The following USP37 variants were observed in gnomAD, a reference collection of about 807,000 sequenced individuals.
USP37 encodes the protein ubiquitin specific peptidase 37.
USP37 carries 27 observed loss-of-function variants against 124.0 expected under a neutral mutation model. The ratio of observed to expected loss-of-function variants is 0.22; its 90% CI spans 0.16 to 0.30. The LOEUF (loss-of-function observed/expected upper bound fraction) is 0.30, where lower values mean the gene tolerates loss of function less well. Ranked by LOEUF, USP37 falls within the 10% of genes least tolerant of loss-of-function variation. The probability of loss-of-function intolerance (pLI) is 1.00; values close to 1 mark genes in which losing one functional copy is unlikely to be tolerated. For missense variants in USP37, 889 were observed against 1,140.4 expected (o/e 0.78, Z 3.17); for synonymous variants, 365 against 388.0 (o/e 0.94, Z 0.70).
intron 11 of USP37, among the ~76,000 whole-genome samples, chr2:218,504,646 G>A (rs1462466673): frequency 6.6e-6 from 1 of 152,130 alleles, no homozygotes; most frequent in East Asian, 1.9e-4. Flanking sequence ...TGTGGCCCAG[G>A]CTGGTCTTGA....
Position 218,451,262 on chromosome 2 carries a change from A to ACTTG in USP37, c.*3664_*3667dup, listed in dbSNP as rs1689469933. On this transcript the variant is annotated 3_prime_UTR_variant, in exon 26 of 26. Transcript: ENST00000258399. ...CATTTTATTGGAACACTTTTATGTG[A>ACTTG]CTTGAATCTGGTGTTAGGTTGTTGA... 1.3e-5 allele frequency: 2 copies of ACTTG among 152,304 alleles called. No individual in the cohort carries two copies. Among genetic ancestry groups the ACTTG allele is most frequent in the South Asian group, 4.1e-4 (2 of 4,832 alleles). 9.4% of individuals were successfully genotyped at this position (152,304 alleles called of 1,614,324 possible). A position where few individuals can be genotyped will look rare whatever the true frequency, so the allele number is the denominator to read the frequency against.
chr2:218,567,292 ATCC>A (rs969059025), intron 1 of USP37, among the ~76,000 whole-genome samples: 1 of 152,126 alleles, frequency 6.6e-6, no homozygotes, highest in African/African-American at 2.4e-5. Flanking sequence ...TGCAAGACGC[ATCC>A]TCCTCTATTG....
chr2:218,563,495 T>A (rs1264038580), intron 1 of USP37, among the ~76,000 whole-genome samples: 2 of 152,240 alleles, frequency 1.3e-5, no homozygotes, highest in African/African-American at 4.8e-5. Context: ...TTCCATAACA[T>A]GTTGATACTA....
At chr2:218,455,154 AAGC>A in intron 25 of USP37, 137 bp from the exon 26 acceptor site, 1 of 1,075,100 alleles carries the variant, frequency 9.3e-7, no homozygotes, top group South Asian at 1.5e-5. Context: ...TTTATTTAAA[AAGC>A]AGCTCACTCA....
chr2:218,468,492 G>C (rs1032932459), intron 20 of USP37, among the ~76,000 whole-genome samples: 1 of 151,936 alleles, frequency 6.6e-6, no homozygotes, highest in Admixed American at 6.6e-5. Flanking sequence ...CAAAGTGCTG[G>C]GATTACAGGA....
intron 20 of USP37, among the ~76,000 whole-genome samples, chr2:218,474,151 G>A (rs1202970306): frequency 6.6e-6 from 1 of 152,170 alleles, no homozygotes; most frequent in East Asian, 1.9e-4. Context: ...TAGCAGTGGT[G>A]AGAAAAGCAC....
At chr2:218,539,777 C>T (rs901315878) in intron 8 of USP37, among the ~76,000 whole-genome samples, 4 of 151,872 alleles carry the variant, frequency 2.6e-5, no homozygotes, top group South Asian at 2.1e-4. Flanking sequence ...TTTGGGAGGC[C>T]GAGGTAGGCG....
chr2:218,488,538 A>G, intron 14 of USP37, 117 bp from the exon 15 acceptor site: 1 of 628,558 alleles, frequency 1.6e-6, no homozygotes, highest in Non-Finnish European at 2.8e-6. Flanking sequence ...ATCACCAGGC[A>G]TAAGAACTAT....
chr2:218,544,440 G>A (rs901435374), intron 8 of USP37, among the ~76,000 whole-genome samples: 28 of 137,674 alleles, frequency 2.0e-4, no homozygotes, highest in African/African-American at 8.1e-4. Context: ...TAGAGAGAGA[G>A]AGAGAGAGAG....
intron 19 of USP37, among the ~76,000 whole-genome samples, chr2:218,475,925 C>CA (rs5838701): frequency 0.65 from 91,798 of 142,264 alleles, 29,163 homozygotes; most frequent in East Asian, 0.89. Context: ...GACTCCGTCT[C>CA]AAAAAAAAAA....
At chr2:218,487,557 A>C (rs187842534) in intron 15 of USP37, among the ~76,000 whole-genome samples, 53 of 152,006 alleles carry the variant, frequency 3.5e-4, no homozygotes, top group Non-Finnish European at 6.8e-4. Context: ...ATTAGCTGGG[A>C]CTACAGGCAC....
intron 20 of USP37, among the ~76,000 whole-genome samples, chr2:218,467,808 C>T (rs568879805): frequency 7.9e-5 from 12 of 151,498 alleles, no homozygotes; most frequent in South Asian, 2.1e-4. Context: ...TTCTAGACTA[C>T]GGCTAGCTAA....
chr2:218,517,012 C>T (rs986964307), intron 10 of USP37, among the ~76,000 whole-genome samples: 1 of 152,166 alleles, frequency 6.6e-6, no homozygotes, highest in African/African-American at 2.4e-5. Flanking sequence ...ACAATGTTTA[C>T]TTGTTCAATC....
intron 10 of USP37, chr2:218,528,755 T>C (rs1182595788): frequency 3.2e-6 from 1 of 311,528 alleles, no homozygotes; most frequent in South Asian, 3.8e-5. Context: ...TCACATGTTC[T>C]CAACAAGTGC....
At chr2:218,543,775 C>T (rs2106039999) in intron 8 of USP37, among the ~76,000 whole-genome samples, 1 of 151,946 alleles carries the variant, frequency 6.6e-6, no homozygotes, top group East Asian at 1.9e-4. Context: ...CACTGCACTC[C>T]AGCCTGGGCA....
chr2:218,513,292 A>G (rs991647456), intron 10 of USP37, among the ~76,000 whole-genome samples: 5 of 152,138 alleles, frequency 3.3e-5, no homozygotes, highest in Admixed American at 6.5e-5. Context: ...TGGCCTCTCC[A>G]AGTGCTACGA....
In USP37 at chr2:218,546,949, G is replaced by A. The variant is rs371228140; in HGVS notation, c.572C>T (p.Thr191Ile). 38 of 1,612,696 alleles carry A rather than the reference G, an allele frequency of 2.4e-5. No individual in the cohort carries two copies. Among genetic ancestry groups the A allele is most frequent in the Non-Finnish European group, 3.1e-5 (36 of 1,179,712 alleles). Residue 191 changes from threonine to isoleucine, a missense_variant, in exon 7 of 26, where the codon ACA becomes ATA. Physicochemically the swap from Thr to Ile is moderately conservative, Grantham distance 89. This residue lies in a region of USP37 where 374 missense variants were observed against 386.0 expected (regional missense o/e 0.97). Coordinates refer to ENST00000258399, the MANE Select transcript of USP37 (RefSeq NM_020935.3). ...RTIPSLTSTSTPLRSGLLENR... is the reference protein window; with the variant it reads ...RTIPSLTSTSIPLRSGLLENR... ...TTCTAGCAACCCTGATCTAAGAGGT[G>A]TTGAAGTAGATGTCAAAGAAGGAAT...
chr2:218,477,052 C>T, intron 18 of USP37, 71 bp from the exon 19 acceptor site: 1 of 1,388,646 alleles, frequency 7.2e-7, no homozygotes, highest in Non-Finnish European at 9.4e-7. Context: ...GTAAAAATAT[C>T]AAAACAAATT....
chr2:218,484,279 T>G (rs1691426847), intron 16 of USP37, among the ~76,000 whole-genome samples: 1 of 152,166 alleles, frequency 6.6e-6, no homozygotes, highest in Non-Finnish European at 1.5e-5. Flanking sequence ...ATGTTGAGAT[T>G]ACAGGCGTGA....
Sources: gnomAD v4.1 joint callset for allele counts (sites outside exome capture counted in the v4.1 genomes callset) on GRCh38, gnomAD v4.1.1 for gene constraint, gnomAD v4.1.1 regional missense constraint, MANE v1.5 for transcripts, NCBI Gene and HGNC (gene_info 2026-07-23, HGNC 2026-07-21) for gene names.